The following PKIB variants were observed in gnomAD, a reference collection of about 807,000 sequenced individuals.
PKIB encodes PKI-beta.
A neutral mutation model predicts 4.5 loss-of-function variants in PKIB; 2 were observed. That is an observed-to-expected ratio of 0.44 (90% CI 0.18 to 1.39). PKIB has a LOEUF of 1.39. Among genes scored for constraint, PKIB ranks in the 40% most tolerant of loss-of-function variants. PKIB has a pLI of 0.27. For synonymous variants in PKIB, 38 were observed against 36.0 expected, an observed-to-expected ratio of 1.06 and a Z score of -0.20; for missense variants, 94 against 92.6, an observed-to-expected ratio of 1.02 and a Z score of -0.06.
chr6:122,601,782 C>CAGT (rs1774376002), intron 3 of PKIB, among the ~76,000 whole-genome samples: 1 of 152,102 alleles, frequency 6.6e-6, no homozygotes, highest in Non-Finnish European at 1.5e-5. Flanking sequence ...ACATACAAAA[C>CAGT]TGTGTTAATC....
intron 2 of PKIB, among the ~76,000 whole-genome samples, chr6:122,506,457 G>C (rs1454552393): frequency 6.6e-6 from 1 of 151,922 alleles, no homozygotes; most frequent in East Asian, 1.9e-4. Context: ...GCCTATTATT[G>C]GTTTAATTAT....
intron 3 of PKIB, among the ~76,000 whole-genome samples, chr6:122,588,148 T>A (rs532950187): frequency 6.6e-6 from 1 of 152,326 alleles, no homozygotes; most frequent in East Asian, 1.9e-4. Context: ...ATGGTTTTTA[T>A]GGTTTTAGGG....
In PKIB at chr6:122,517,319, A is replaced by T. The variant is rs2114592494; in HGVS notation, c.-248+39380A>T. On this transcript the variant is annotated intron_variant, in intron 2 of 6. Transcript: ENST00000392491. ...TAATATTTTGACTTATATTAAAGAG[A>T]CTTTTAAAAATATTGTTCTTTTATA... 2.0e-5 allele frequency among the ~76,000 whole-genome samples: 3 copies of T among 152,330 alleles called. No individual in the cohort carries two copies. The Middle Eastern group carries it at 0.01, about 518-fold the overall frequency.
intron 2 of PKIB, among the ~76,000 whole-genome samples, chr6:122,542,662 T>C (rs1312507466): frequency 1.3e-5 from 2 of 151,926 alleles, no homozygotes; most frequent in Non-Finnish European, 2.9e-5. Context: ...TGCTCGGGGG[T>C]CAAGGACCCA....
At chr6:122,709,021 CATA>C (rs1779170091) in intron 3 of PKIB, among the ~76,000 whole-genome samples, 1 of 152,168 alleles carries the variant, frequency 6.6e-6, no homozygotes, top group African/African-American at 2.4e-5. Flanking sequence ...AATTGATATT[CATA>C]ATGATACTCT....
At chr6:122,481,094 TGACA>T (rs1479137254) in intron 2 of PKIB, 1 of 152,208 alleles carries the variant, frequency 6.6e-6, no homozygotes, top group South Asian at 2.1e-4. Context: ...GTGGAAAACC[TGACA>T]GACACCTTAT....
chr6:122,486,259 T>C (rs1296122076), intron 2 of PKIB, among the ~76,000 whole-genome samples: 2 of 152,202 alleles, frequency 1.3e-5, no homozygotes, highest in Non-Finnish European at 2.9e-5. Flanking sequence ...TTTCAGATGA[T>C]AAAAAGTCCT....
In PKIB at chr6:122,499,546, C is replaced by T. The variant is rs138605571; in HGVS notation, c.-248+21607C>T. Among the ~76,000 whole-genome samples the T allele has an allele frequency of 9.7e-3, 1,478 of 152,144 alleles. 9 individuals carry two copies. Among genetic ancestry groups the T allele is most frequent in the Admixed American group, 0.015 (229 of 15,274 alleles). ...AAAGAACACTCAACAAACTAGTCAT[C>T]AAAGAAACATATATCAAAATATTGA... On this transcript the variant is annotated intron_variant, in intron 2 of 6. Coordinates refer to the PKIB transcript ENST00000392491.
intron 3 of PKIB, among the ~76,000 whole-genome samples, chr6:122,708,694 C>G (rs556369843): frequency 1.3e-5 from 2 of 152,212 alleles, no homozygotes; most frequent in East Asian, 3.9e-4. Flanking sequence ...AGTGTAGTAG[C>G]GTGATCTCAG....
intron 3 of PKIB, among the ~76,000 whole-genome samples, chr6:122,675,634 A>G (rs147172081): frequency 9.8e-5 from 15 of 152,320 alleles, no homozygotes; most frequent in Admixed American, 3.3e-4. Flanking sequence ...CAGTTTCATC[A>G]TAGTTCTGAA....
chr6:122,648,454 TACTAGGC>T (rs1329719703), intron 2 of PKIB, among the ~76,000 whole-genome samples: 1 of 152,190 alleles, frequency 6.6e-6, no homozygotes, highest in Non-Finnish European at 1.5e-5. Context: ...TACTGCCACC[TACTAGGC>T]ACTATAACTG....
At chr6:122,601,581 G>C (rs1042040350) in intron 3 of PKIB, among the ~76,000 whole-genome samples, 1 of 152,048 alleles carries the variant, frequency 6.6e-6, no homozygotes, top group African/African-American at 2.4e-5. Flanking sequence ...CCACCTCTGA[G>C]ATGTCAAGAC....
chr6:122,550,784 T>C (rs896192913), intron 2 of PKIB, among the ~76,000 whole-genome samples: 3 of 152,256 alleles, frequency 2.0e-5, no homozygotes, highest in Admixed American at 2.0e-4. Flanking sequence ...TCTTTTCTTC[T>C]TTCTAGTTTA....
At chr6:122,584,978 T>C (rs889757214) in intron 2 of PKIB, among the ~76,000 whole-genome samples, 2 of 152,094 alleles carry the variant, frequency 1.3e-5, no homozygotes, top group Admixed American at 1.3e-4. Context: ...TCCATGTCAA[T>C]AACCTAACAG....
intron 3 of PKIB, among the ~76,000 whole-genome samples, chr6:122,688,497 G>GTTT (rs35487441): frequency 9.2e-5 from 14 of 151,640 alleles, no homozygotes; most frequent in African/African-American, 3.1e-4. Context: ...CTTTTCTTCT[G>GTTT]TTTTTTTTGG....
intron 2 of PKIB, among the ~76,000 whole-genome samples, chr6:122,578,439 A>T (rs1773611429): frequency 6.6e-6 from 1 of 152,132 alleles, no homozygotes; most frequent in Non-Finnish European, 1.5e-5. Context: ...TCCCATGCAA[A>T]ACTAATTTTC....
chr6:122,589,097 A>G (rs1773940047), intron 3 of PKIB, among the ~76,000 whole-genome samples: 1 of 152,178 alleles, frequency 6.6e-6, no homozygotes, highest in South Asian at 2.1e-4. Flanking sequence ...GCCACAACCT[A>G]GAAATTTTAC....
intron 3 of PKIB, among the ~76,000 whole-genome samples, chr6:122,709,724 G>A (rs1049268051): frequency 1.3e-5 from 2 of 152,024 alleles, no homozygotes; most frequent in Admixed American, 6.6e-5. Context: ...GTATCACACT[G>A]CATTTTCCCT....
upstream of PKIB, among the ~76,000 whole-genome samples, chr6:122,606,571 CAAAAAA>C (rs1482379724): frequency 8.4e-6 from 1 of 119,576 alleles, no homozygotes; most frequent in Non-Finnish European, 1.7e-5. Context: ...GACTCTGTCT[CAAAAAA>C]GAAAAAAAAA....
Sources: gnomAD v4.1 joint callset for allele counts (sites outside exome capture counted in the v4.1 genomes callset) on GRCh38, gnomAD v4.1.1 for gene constraint, MANE v1.5 for transcripts, NCBI Gene and HGNC (gene_info 2026-07-23, HGNC 2026-07-21) for gene names.